Variants in POTEM observed in about 807,000 individuals in gnomAD.
The protein encoded by POTEM is POTE ankyrin domain family member M.
For synonymous variants in POTEM, 8 were observed against 113.2 expected (o/e 0.07, Z 5.90); for missense variants, 24 against 343.0 (o/e 0.07, Z 7.35).
intron 1 of POTEM, among the ~76,000 whole-genome samples, chr14:18,968,872 C>G (rs1280710072): frequency 6.7e-6 from 1 of 148,226 alleles, no homozygotes; most frequent in African/African-American, 2.5e-5. Context: ...TTTACTTAAG[C>G]CAAATAAAAA....
chr14:18,986,426 T>C (rs1891184453), intron 7 of POTEM, among the ~76,000 whole-genome samples: 1 of 135,388 alleles, frequency 7.4e-6, no homozygotes, highest in African/African-American at 3.0e-5. Flanking sequence ...AACTGCCTAT[T>C]AAAGGAATCA....
At position 19,002,611 on chromosome 14, in the gene POTEM, CCTT is replaced by C. The variant is rs1377962690; in HGVS notation, c.*3947_*3949del. On this transcript the variant is annotated 3_prime_UTR_variant, in exon 11 of 11. Coordinates refer to ENST00000547889, the MANE Select transcript of POTEM (RefSeq NM_001145442.1). ...ATGGGGCTGGTCTGATCTCAGCACT[CCTT>C]AGTCTGCTTGCCTCTCCCAGGGCCC... is the stretch of plus-strand genomic sequence containing the variant. Among the ~76,000 whole-genome samples, 3 of 151,848 alleles carry C rather than the reference CCTT, an allele frequency of 2.0e-5. No individual in the cohort carries two copies. The highest frequency in any genetic ancestry group is 6.6e-5 in the Admixed American group (1 of 15,248).
chr14:18,992,003 G>GT (rs1301391656), intron 9 of POTEM, among the ~76,000 whole-genome samples: 2 of 9,886 alleles, frequency 2.0e-4, no homozygotes, highest in African/African-American at 6.2e-4. Context: ...CATTACTTCA[G>GT]TTTTTTACTT....
At chr14:18,996,260 A>C (rs1421238820) in intron 9 of POTEM, among the ~76,000 whole-genome samples, 1 of 151,330 alleles carries the variant, frequency 6.6e-6, no homozygotes, top group African/African-American at 2.5e-5. Context: ...TCAAAGTCCT[A>C]TGTTAAAAAC....
intron 1 of POTEM, among the ~76,000 whole-genome samples, chr14:18,968,428 A>G (rs1429729635): frequency 1.3e-5 from 2 of 152,272 alleles, no homozygotes; most frequent in Non-Finnish European, 1.5e-5. Context: ...ATATCAATGT[A>G]CACTATGTAA....
chr14:18,985,788 T>C (rs1891166842), intron 7 of POTEM, among the ~76,000 whole-genome samples: 1 of 143,770 alleles, frequency 7.0e-6, no homozygotes, highest in Non-Finnish European at 1.5e-5. Context: ...ACCTGTAGTC[T>C]CAGCTACTCA....
At chr14:18,982,629 G>T in intron 6 of POTEM, among the ~76,000 whole-genome samples, 1 of 130,820 alleles carries the variant, frequency 7.6e-6, no homozygotes, top group Non-Finnish European at 1.7e-5. Context: ...GTCAGCTATG[G>T]TTTCCTTGTC....
intron 9 of POTEM, among the ~76,000 whole-genome samples, chr14:18,991,181 G>A (rs1196210734): frequency 3.9e-5 from 5 of 128,064 alleles, no homozygotes; most frequent in African/African-American, 1.0e-4. Flanking sequence ...ACAGTGCCTG[G>A]CCCTTCCTGA....
rs1891406074 is a variant in POTEM at position 19,002,722 on chromosome 14, G to A, written c.*4057G>A. Among the ~76,000 whole-genome samples the A allele has an allele frequency of 6.6e-6, 1 of 152,250 alleles. No individual in the cohort carries two copies. Among genetic ancestry groups the A allele is most frequent in the South Asian group, 2.1e-4 (1 of 4,832 alleles). The stretch of plus-strand genomic sequence containing the variant: ...GCTAGTGGACCGTACCATATCAGTG[G>A]AGAGCTGCAGCAAGGTGGCCCCTAC... On this transcript the variant is annotated 3_prime_UTR_variant, in exon 11 of 11. Coordinates refer to ENST00000547889, the MANE Select transcript of POTEM (RefSeq NM_001145442.1).
intron 1 of POTEM, among the ~76,000 whole-genome samples, chr14:18,968,885 G>A (rs1463937621): frequency 3.4e-5 from 5 of 147,694 alleles, no homozygotes; most frequent in African/African-American, 5.0e-5. Context: ...AATAAAAATA[G>A]CAGTTTTAGA....
intron 7 of POTEM, among the ~76,000 whole-genome samples, chr14:18,985,905 A>AG (rs1341973296): frequency 9.8e-3 from 86 of 8,778 alleles, no homozygotes; most frequent in African/African-American, 0.031. Context: ...CTCTGTGTCA[A>AG]AAAAAAAAAA....
chr14:18,995,881 TGCAGCCAC>T (rs1463495712), intron 9 of POTEM, among the ~76,000 whole-genome samples: 1 of 131,354 alleles, frequency 7.6e-6, no homozygotes. Context: ...CACACTTTTT[TGCAGCCAC>T]TGTAAAAGGG....
At chr14:18,969,378 T>TGTGTATATATATATATATATAC (rs1890857511) in intron 1 of POTEM, among the ~76,000 whole-genome samples, 8 of 107,586 alleles carry the variant, frequency 7.4e-5, no homozygotes, top group Non-Finnish European at 1.9e-5. Context: ...TATATATATA[T>TGTGTATATATATATATATATAC]ACACAAAATT....
chr14:18,996,759 TTAA>T (rs1891310378), intron 9 of POTEM, among the ~76,000 whole-genome samples: 1 of 124,422 alleles, frequency 8.0e-6, no homozygotes, highest in Non-Finnish European at 1.7e-5. Flanking sequence ...TCATTATATA[TTAA>T]TAATAATAGA....
At chr14:18,981,147 AAGTT>A (rs1891070869) in intron 6 of POTEM, among the ~76,000 whole-genome samples, 1 of 151,350 alleles carries the variant, frequency 6.6e-6, no homozygotes, top group Admixed American at 6.6e-5. Context: ...GAGCTTCTGT[AAGTT>A]AGGTTTTATA....
chr14:18,985,974 C>A (rs1891174039), intron 7 of POTEM, among the ~76,000 whole-genome samples: 1 of 78,078 alleles, frequency 1.3e-5, no homozygotes, highest in Non-Finnish European at 2.6e-5. Flanking sequence ...ATTCAGCAAC[C>A]TTATTAAAAG....
rs1891387262 is a variant in POTEM, at chr14:19,001,913, CA to C, written c.*3249del. On this transcript the variant is annotated 3_prime_UTR_variant, in exon 11 of 11. Transcript: ENST00000547889. ...GATCCTCCTGGCCTGTGTCTCTAGC[CA>C]GCCCACCACTGGAGCTATCAAGCCA... Among the ~76,000 whole-genome samples the C allele has an allele frequency of 2.2e-4, 1 of 4,642 alleles. No homozygotes were observed. Among genetic ancestry groups the C allele is most frequent in the Non-Finnish European group, 3.8e-4 (1 of 2,662 alleles). 3.0% of individuals were successfully genotyped at this position (4,642 alleles called of 152,430 possible).
chr14:18,968,780 G>A (rs57379882), intron 1 of POTEM, among the ~76,000 whole-genome samples: 981 of 148,328 alleles, frequency 6.6e-3, no homozygotes, highest in African/African-American at 0.025. Context: ...CCGAGATCAC[G>A]CCACTGTACT....
chr14:18,986,424 A>G (rs1280563332), intron 7 of POTEM, among the ~76,000 whole-genome samples: 6 of 135,562 alleles, frequency 4.4e-5, no homozygotes, highest in African/African-American at 1.5e-4. Flanking sequence ...CCAACTGCCT[A>G]TTAAAGGAAT....
Sources: gnomAD v4.1 joint callset for allele counts (sites outside exome capture counted in the v4.1 genomes callset) on GRCh38, gnomAD v4.1.1 for gene constraint, MANE v1.5 for transcripts, NCBI Gene and HGNC (gene_info 2026-07-23, HGNC 2026-07-21) for gene names.